Variants in RDX observed in about 807,000 individuals in gnomAD.
The protein encoded by RDX is deafness, autosomal recessive 24.
RDX carries 32 observed loss-of-function variants against 83.7 expected under a neutral mutation model. That is an observed-to-expected ratio of 0.38 (90% CI 0.29 to 0.51). The LOEUF (loss-of-function observed/expected upper bound fraction) is 0.51. Among genes scored for constraint, RDX ranks in the 20% least tolerant of loss-of-function variants. The probability of loss-of-function intolerance (pLI) is 0.87; values close to 1 mark genes in which losing one functional copy is unlikely to be tolerated. For missense variants in RDX, 600 were observed against 689.9 expected, an observed-to-expected ratio of 0.87 and a Z score of 1.46; for synonymous variants, 229 against 222.7, an observed-to-expected ratio of 1.03 and a Z score of -0.25.
Position 110,218,735 on chromosome 11 carries a change from C to T in RDX, c.1748+13138G>A, listed in dbSNP as rs556368667. 2.6e-5 allele frequency among the ~76,000 whole-genome samples: 4 copies of T among 152,300 alleles called. No homozygotes were observed. In the East Asian group the frequency reaches 5.8e-4, roughly 22 times the overall value. On this transcript the variant is annotated intron_variant, in intron 14 of 15. Coordinates refer to the RDX transcript ENST00000528498. ...TATTTGCATATGCAGTTACTTCTTTCCAGAAACTTTCCTATCTTTGCCTCC... is the reference window on the plus strand; with the variant it reads ...TATTTGCATATGCAGTTACTTCTTTTCAGAAACTTTCCTATCTTTGCCTCC...
At chr11:110,234,999 T>C (rs1352887455) in intron 12 of RDX, among the ~76,000 whole-genome samples, 2 of 152,134 alleles carry the variant, frequency 1.3e-5, no homozygotes, top group African/African-American at 4.8e-5. Context: ...AAAGCCTGAT[T>C]TTACAATTGT....
intron 14 of RDX, among the ~76,000 whole-genome samples, chr11:110,215,561 G>A (rs75430240): frequency 0.077 from 11,646 of 152,086 alleles, 642 homozygotes; most frequent in Non-Finnish European, 0.11. Flanking sequence ...CAAGGAGGTT[G>A]GTCTTCAATC....
chr11:110,225,404 T>C (rs1032915706), downstream of RDX, among the ~76,000 whole-genome samples: 2 of 152,156 alleles, frequency 1.3e-5, no homozygotes, highest in Non-Finnish European at 2.9e-5. Context: ...ATATAAAGAA[T>C]TCCTACAACA....
chr11:110,257,952 A>T, intron 6 of RDX, 39 bp from the exon 7 acceptor site: 2 of 1,592,980 alleles, frequency 1.3e-6, no homozygotes, highest in South Asian at 2.2e-5. Context: ...TTTAAGTAGG[A>T]GCATATCAAA....
At chr11:110,208,010 G>A (rs372417076) in intron 14 of RDX, among the ~76,000 whole-genome samples, 9 of 146,966 alleles carry the variant, frequency 6.1e-5, no homozygotes, top group African/African-American at 1.8e-4. Flanking sequence ...TTTTAATAGA[G>A]ACGGGGCACC....
intron 1 of RDX, among the ~76,000 whole-genome samples, chr11:110,293,114 CAAGTT>C (rs1861310199): frequency 6.6e-6 from 1 of 152,130 alleles, no homozygotes; most frequent in Admixed American, 6.5e-5. Flanking sequence ...ATGTTTAACA[CAAGTT>C]AATAAGCATC....
chr11:110,178,216 T>A (rs1862815155), intron 15 of RDX, among the ~76,000 whole-genome samples: 1 of 152,098 alleles, frequency 6.6e-6, no homozygotes. Context: ...CACCTGCAGC[T>A]CTCCTGGTCT....
At chr11:110,210,284 G>C (rs1183538443) in intron 14 of RDX, among the ~76,000 whole-genome samples, 2 of 135,540 alleles carry the variant, frequency 1.5e-5, no homozygotes, top group East Asian at 2.3e-4. Flanking sequence ...GGGAAGTTTA[G>C]AGAAAAAAAG....
In RDX at chr11:110,231,600, GAAA is replaced by G. The variant is rs1336983020; in HGVS notation, c.*266_*268del. On this transcript the variant is annotated 3_prime_UTR_variant, in exon 14 of 14. Coordinates refer to ENST00000645495, the MANE Select transcript of RDX (RefSeq NM_002906.4). ...TGATAATTAGTGTTAATCTTCAACA[GAAA>G]AAAAAAAGAAAAAGAAAAAAAATGT... is the stretch of plus-strand genomic sequence containing the variant. 2.4e-6 allele frequency: 1 copy of G among 420,152 alleles called. No individual in the cohort carries two copies. The highest frequency in any genetic ancestry group is 4.3e-6 in the Non-Finnish European group (1 of 232,122). The allele number at this position is 420,152 out of a possible 1,614,324, so 26.0% of individuals were successfully genotyped here.
intron 14 of RDX, among the ~76,000 whole-genome samples, chr11:110,215,156 C>T (rs1456736909): frequency 6.7e-6 from 1 of 149,736 alleles, no homozygotes; most frequent in Admixed American, 6.6e-5. Flanking sequence ...GTCAGGAGAT[C>T]GAGACAATCC....
chr11:110,267,467 C>T (rs1404367352), intron 3 of RDX, among the ~76,000 whole-genome samples: 1 of 150,656 alleles, frequency 6.6e-6, no homozygotes, highest in Admixed American at 6.6e-5. Flanking sequence ...GAGCCGAGTT[C>T]GCGCCACTGC....
At chr11:110,203,842 T>A (rs111843747) in intron 14 of RDX, among the ~76,000 whole-genome samples, 1 of 152,126 alleles carries the variant, frequency 6.6e-6, no homozygotes, top group Non-Finnish European at 1.5e-5. Flanking sequence ...TAGAAAAATA[T>A]GTATATGTAT....
chr11:110,237,379 C>T lies in RDX; in HGVS notation c.1251+113G>A. 4 of 951,716 alleles carry T rather than the reference C, an allele frequency of 4.2e-6. No homozygotes were observed. In the South Asian group the frequency reaches 6.4e-5, roughly 15 times the overall value. The allele number at this position is 951,716 out of a possible 1,614,324, so 59.0% of individuals were successfully genotyped here. ...ATTTTGTTATTAAGTTACATGTTAT[C>T]TTTGGCTTGCTCTCCAGAAAGCACA... On this transcript the variant is annotated intron_variant, in intron 11 of 13. Transcript: ENST00000645495.
At chr11:110,243,293 T>TA (rs767118129) in intron 10 of RDX, among the ~76,000 whole-genome samples, 1 of 152,154 alleles carries the variant, frequency 6.6e-6, no homozygotes, top group Non-Finnish European at 1.5e-5. Flanking sequence ...AGATAAGGGA[T>TA]ACTCAACCTG....
chr11:110,263,972 A>C lies in RDX; in HGVS notation c.455T>G (p.Leu152Arg), dbSNP rs1210797282. The change falls in exon 5 of 14, where the codon CTC becomes CGC. Residue 152 changes from leucine to arginine, a missense_variant. Transcript: ENST00000645495. The stretch of plus-strand genomic sequence containing the variant: ...ATGTTTCACTTACCGCTGGGGTAGG[A>C]GTCTATCATTAGCCAGGTAGCCTGG... ...HKPGYLANDR[L>R]LPQRVLEQHK... 14 of 1,613,414 alleles carry C rather than the reference A, an allele frequency of 8.7e-6. No homozygotes were observed. Among genetic ancestry groups the C allele is most frequent in the Non-Finnish European group, 1.1e-5 (13 of 1,179,532 alleles).
intron 14 of RDX, among the ~76,000 whole-genome samples, chr11:110,212,019 C>A (rs1430675633): frequency 7.1e-6 from 1 of 141,278 alleles, no homozygotes. Flanking sequence ...ACACAAAAAA[C>A]CCTTCAAAAA....
rs886047633 is a variant in RDX at position 110,229,812 on chromosome 11, A to G, written c.*2057T>C. 6.6e-6 allele frequency: 1 copy of G among 152,534 alleles called. No homozygotes were observed. Among genetic ancestry groups the G allele is most frequent in the African/African-American group, 2.4e-5 (1 of 41,448 alleles). 9.4% of individuals were successfully genotyped at this position (152,534 alleles called of 1,614,324 possible). A position where few individuals can be genotyped will look rare whatever the true frequency, so the allele number is the denominator to read the frequency against. On this transcript the variant is annotated 3_prime_UTR_variant, in exon 14 of 14. Transcript: ENST00000645495. ...AACTGATGTAGCTATGGTAGTGCAC[A>G]TAATTCAAAATGAGGAAAATTAACA... is the stretch of plus-strand genomic sequence containing the variant.
intron 10 of RDX, 83 bp downstream of exon 10, chr11:110,247,620 T>C: frequency 1.4e-6 from 2 of 1,406,356 alleles, no homozygotes; most frequent in South Asian, 1.2e-5. Flanking sequence ...ACAAATAAGG[T>C]TTAAGAGTAC....
chr11:110,264,996 G>GA (rs1405801398), intron 3 of RDX, 122 bp from the exon 4 acceptor site: 5 of 563,656 alleles, frequency 8.9e-6, no homozygotes, highest in African/African-American at 2.0e-5. Context: ...CTTTGCCATA[G>GA]AAAAGGCTTT....
Sources: gnomAD v4.1 joint callset for allele counts (sites outside exome capture counted in the v4.1 genomes callset) on GRCh38, gnomAD v4.1.1 for gene constraint, MANE v1.5 for transcripts, NCBI Gene and HGNC (gene_info 2026-07-23, HGNC 2026-07-21) for gene names.